GPR19: variants seen among roughly 807,000 people sequenced by gnomAD.
GPR19 encodes G protein-coupled receptor 19.
Under a neutral mutation model 28.5 loss-of-function variants are expected in GPR19, and 14 were observed. That is an observed-to-expected ratio of 0.49 (90% CI 0.32 to 0.77). The LOEUF is 0.77. Ranked by LOEUF, GPR19 falls within the 30% of genes least tolerant of loss-of-function variation. GPR19 has a pLI of 0.03. For missense variants in GPR19, 409 were observed against 504.1 expected (o/e 0.81, Z 1.81); for synonymous variants, 173 against 184.1 (o/e 0.94, Z 0.49).
the GPR19 span, among the ~76,000 whole-genome samples, chr12:12,708,515 C>G: frequency 6.6e-6 from 1 of 152,108 alleles, no homozygotes; most frequent in East Asian, 1.9e-4. Context: ...ACCAATGAAG[C>G]CTTAGTGATA....
the GPR19 span, among the ~76,000 whole-genome samples, chr12:12,704,453 G>T: frequency 3.9e-5 from 6 of 152,236 alleles, no homozygotes; most frequent in Non-Finnish European, 8.8e-5. Context: ...AGTGAGCCGA[G>T]ATCGTGCCAC....
chr12:12,703,705 G>T, the GPR19 span, among the ~76,000 whole-genome samples: 14 of 152,218 alleles, frequency 9.2e-5, no homozygotes, highest in African/African-American at 3.4e-4. Flanking sequence ...ATAAACCATA[G>T]TGCTGAGTTA....
At chr12:12,699,235 G>A (rs561715409), upstream of GPR19, among the ~76,000 whole-genome samples, 7 of 151,914 alleles carry the variant, frequency 4.6e-5, no homozygotes, top group East Asian at 7.9e-4. Context: ...CCAGCTACTC[G>A]GGAGGCTGAG....
At chr12:12,697,905 G>GA (rs1207529637), upstream of GPR19, among the ~76,000 whole-genome samples, 6 of 152,090 alleles carry the variant, frequency 3.9e-5, no homozygotes, top group Non-Finnish European at 8.8e-5. Context: ...AAGGTAAGGT[G>GA]AAAATCGGTT....
the GPR19 span, among the ~76,000 whole-genome samples, chr12:12,713,134 G>A: frequency 8.3e-5 from 12 of 145,378 alleles, no homozygotes; most frequent in African/African-American, 2.8e-4. Flanking sequence ...GCACGATCTT[G>A]GCTCACTATA....
intron 3 of GPR19, among the ~76,000 whole-genome samples, chr12:12,673,262 G>A (rs1945878922): frequency 6.6e-6 from 1 of 152,292 alleles, no homozygotes; most frequent in Non-Finnish European, 1.5e-5. Flanking sequence ...TTGGAAAAAT[G>A]TTTCTTCCTT....
chr12:12,672,494 C>A (rs1489901927), intron 3 of GPR19, among the ~76,000 whole-genome samples: 2 of 152,120 alleles, frequency 1.3e-5, no homozygotes, highest in East Asian at 3.8e-4. Context: ...TGCCTATAAT[C>A]CCAGCACTTT....
chr12:12,711,034 T>C, the GPR19 span, among the ~76,000 whole-genome samples: 3 of 152,164 alleles, frequency 2.0e-5, no homozygotes, highest in South Asian at 6.2e-4. Flanking sequence ...GCCGGTGTGG[T>C]AGCTCATGCC....
intron 3 of GPR19, among the ~76,000 whole-genome samples, chr12:12,664,196 G>A (rs915845115): frequency 6.6e-6 from 1 of 152,028 alleles, no homozygotes; most frequent in Admixed American, 6.6e-5. Context: ...CCCCACGTTG[G>A]CCAGGCTGGT....
At chr12:12,675,192 T>C (rs2136325627) in intron 3 of GPR19, among the ~76,000 whole-genome samples, 1 of 152,250 alleles carries the variant, frequency 6.6e-6, no homozygotes, top group African/African-American at 2.4e-5. Flanking sequence ...AGAGGTTTTT[T>C]TATAGACAAA....
the GPR19 span, chr12:12,717,192 A>C: frequency 9.6e-7 from 1 of 1,045,786 alleles, no homozygotes; most frequent in Non-Finnish European, 1.2e-6. Context: ...TCACGCGACC[A>C]GCCAATCTCC....
the GPR19 span, among the ~76,000 whole-genome samples, chr12:12,710,936 C>A: frequency 6.6e-6 from 1 of 152,130 alleles, no homozygotes; most frequent in African/African-American, 2.4e-5. Flanking sequence ...GAGTGATAAA[C>A]CAAATTCTTC....
chr12:12,688,075 A>G (rs1252257142), intron 2 of GPR19, among the ~76,000 whole-genome samples: 1 of 152,264 alleles, frequency 6.6e-6, no homozygotes, highest in African/African-American at 2.4e-5. Flanking sequence ...AAAGATCACA[A>G]AAGGTGTTCA....
At position 12,661,265 on chromosome 12, in the gene GPR19, C is replaced by T. The variant is rs762731327; in HGVS notation, c.1184G>A (p.Arg395Lys). Residue 395 changes from arginine (R) to lysine (K), a missense_variant, in exon 4 of 4, where the codon AGA (arginine) becomes AAA (lysine). By Grantham distance (26) the Arg-to-Lys change is conservative (BLOSUM62 2). Transcript: ENST00000651487. This position sits in a 1 kb window ranked among gnomAD's most constrained non-coding sequence, Gnocchi z 4.2. Reference protein sequence around the residue: ...TKDSIYDSFDREAKEKKLAWP... With the variant: ...TKDSIYDSFDKEAKEKKLAWP... ...AGCAAGCTTTTTTTCCTTGGCTTCT[C>T]TGTCAAATGAGTCATAGATCGAGTC... 3.0e-5 allele frequency: 49 copies of T among 1,613,164 alleles called. No individual in the cohort carries two copies. Among genetic ancestry groups the T allele is most frequent in the Non-Finnish European group, 4.0e-5 (47 of 1,179,616 alleles).
chr12:12,674,209 CAAAA>C (rs35775784), intron 3 of GPR19, among the ~76,000 whole-genome samples: 10,658 of 54,036 alleles, frequency 0.2, 519 homozygotes, highest in South Asian at 0.3. Context: ...GACTTTGTCT[CAAAA>C]AAAAAAAAAA....
upstream of GPR19, among the ~76,000 whole-genome samples, chr12:12,699,608 A>T (rs1271429134): frequency 2.0e-5 from 3 of 152,214 alleles, no homozygotes; most frequent in African/African-American, 7.2e-5. Flanking sequence ...ATATAGCAAG[A>T]TCCCATCACT....
chr12:12,677,284 G>A (rs1315801111), intron 3 of GPR19, among the ~76,000 whole-genome samples: 2 of 148,802 alleles, frequency 1.3e-5, no homozygotes, highest in Non-Finnish European at 3.0e-5. Flanking sequence ...TTGGCTCACT[G>A]CAACCTCTGC....
At chr12:12,704,988 A>C in the GPR19 span, among the ~76,000 whole-genome samples, 3 of 152,220 alleles carry the variant, frequency 2.0e-5, no homozygotes, top group African/African-American at 7.2e-5. Context: ...TGCAAATTGC[A>C]TTTGACATTG....
the GPR19 span, among the ~76,000 whole-genome samples, chr12:12,708,998 AG>A: frequency 2.0e-5 from 3 of 151,972 alleles, no homozygotes; most frequent in South Asian, 6.2e-4. Flanking sequence ...CAGTGAGCCA[AG>A]ATCACGCCAC....
Sources: allele counts gnomAD v4.1 joint callset (sites outside exome capture counted in the v4.1 genomes callset), GRCh38; gene constraint gnomAD v4.1.1; non-coding constraint Gnocchi (gnomAD v3.1); transcripts MANE v1.5; gene names NCBI Gene and HGNC (gene_info 2026-07-23, HGNC 2026-07-21).